The following MEMO1 variants were observed in gnomAD, a reference collection of about 807,000 sequenced individuals.
MEMO1 encodes protein MEMO1.
A neutral mutation model predicts 45.2 loss-of-function variants in MEMO1; 6 were observed. The observed-to-expected ratio is 0.13, with a 90% CI of 0.07 to 0.26. The LOEUF (loss-of-function observed/expected upper bound fraction) is 0.26, where lower values mean the gene tolerates loss of function less well. Ranked by LOEUF, MEMO1 falls within the 10% of genes least tolerant of loss-of-function variation. The probability of loss-of-function intolerance (pLI) is 1.00; values close to 1 mark genes in which losing one functional copy is unlikely to be tolerated. For synonymous variants in MEMO1, 78 were observed against 124.3 expected, an observed-to-expected ratio of 0.63 and a Z score of 2.48; for missense variants, 184 against 370.5, an observed-to-expected ratio of 0.50 and a Z score of 4.13.
intron 4 of MEMO1, among the ~76,000 whole-genome samples, chr2:31,922,246 C>A (rs151238154): frequency 6.0e-5 from 9 of 150,852 alleles, no homozygotes; most frequent in African/African-American, 1.5e-4. Context: ...TCATAAAATT[C>A]TATTACAGCT....
At chr2:31,927,952 A>G (rs925028173) in intron 4 of MEMO1, among the ~76,000 whole-genome samples, 2 of 152,284 alleles carry the variant, frequency 1.3e-5, no homozygotes, top group South Asian at 4.1e-4. Flanking sequence ...CATATGCTTA[A>G]TATCTATCTC....
intron 4 of MEMO1, among the ~76,000 whole-genome samples, chr2:31,925,475 C>CAAAAAAAAAAAAAAAAAAAAAAAAAAAAA (rs70964741): frequency 1.3e-5 from 1 of 79,236 alleles, no homozygotes; most frequent in African/African-American, 7.0e-5. Flanking sequence ...GACTCCGTCT[C>CAAAAAAAAAAAAAAAAAAAAAAAAAAAAA]AAAAAAAAAA....
At chr2:31,897,188 C>T (rs1042566872) in intron 6 of MEMO1, among the ~76,000 whole-genome samples, 1 of 151,932 alleles carries the variant, frequency 6.6e-6, no homozygotes, top group African/African-American at 2.4e-5. Flanking sequence ...TTGACTTCCT[C>T]TCTTCCTATT....
chr2:31,968,459 T>G (rs190117678), intron 2 of MEMO1, among the ~76,000 whole-genome samples: 1 of 152,322 alleles, frequency 6.6e-6, no homozygotes, highest in Admixed American at 6.5e-5. Context: ...CTGAACTATT[T>G]GCCACTACTA....
intron 6 of MEMO1, among the ~76,000 whole-genome samples, chr2:31,894,374 C>T (rs1294930677): frequency 1.3e-5 from 2 of 152,148 alleles, no homozygotes; most frequent in Non-Finnish European, 2.9e-5. Context: ...GAGTGGAAAA[C>T]CCACACTCAG....
intron 3 of MEMO1, among the ~76,000 whole-genome samples, chr2:31,936,493 T>C (rs1664939504): frequency 6.6e-6 from 1 of 152,212 alleles, no homozygotes; most frequent in African/African-American, 2.4e-5. Context: ...GTAGACCCTT[T>C]ACGTCGGCAA....
intron 2 of MEMO1, among the ~76,000 whole-genome samples, chr2:31,970,739 C>T (rs113391581): frequency 6.6e-6 from 1 of 152,072 alleles, no homozygotes; most frequent in African/African-American, 2.4e-5. Context: ...CACGGTGGCT[C>T]ACGCCTGTAA....
In MEMO1 at chr2:31,932,057, C is replaced by T. The variant is rs755117715; in HGVS notation, c.212+10G>A. 3.1e-6 allele frequency: 5 copies of T among 1,608,536 alleles called. No homozygotes were observed. The African/African-American group carries it at 4.0e-5, about 13-fold the overall frequency. On this transcript the variant is annotated intron_variant, in intron 4 of 9. Transcript: ENST00000404530. ...GCTTCTCCGACTTAAAACAAAACTA[C>T]ATTACTTACGTAATAGACGGATCCA...
chr2:31,932,704 C>T (rs929279999), intron 3 of MEMO1, among the ~76,000 whole-genome samples: 13 of 152,110 alleles, frequency 8.5e-5, no homozygotes, highest in African/African-American at 2.9e-4. Flanking sequence ...AAAAGCACTG[C>T]AATTACAGGC....
chr2:31,926,376 GAAA>G (rs35245442), intron 4 of MEMO1, among the ~76,000 whole-genome samples: 41 of 120,196 alleles, frequency 3.4e-4, no homozygotes, highest in African/African-American at 1.1e-3. Context: ...TCTCAAAAGG[GAAA>G]AAAAAAAAAA....
At chr2:31,897,179 T>C (rs924184222) in intron 6 of MEMO1, among the ~76,000 whole-genome samples, 6 of 152,252 alleles carry the variant, frequency 3.9e-5, no homozygotes, top group Non-Finnish European at 7.3e-5. Flanking sequence ...AGAGACAATT[T>C]GACTTCCTCT....
At chr2:31,949,260 G>A (rs778865898) in intron 2 of MEMO1, among the ~76,000 whole-genome samples, 3 of 152,138 alleles carry the variant, frequency 2.0e-5, no homozygotes, top group Non-Finnish European at 2.9e-5. Context: ...TTCCTGCTGG[G>A]TATTTACCCA....
chr2:31,877,578 G>A (rs1674738000), intron 8 of MEMO1, among the ~76,000 whole-genome samples: 1 of 152,286 alleles, frequency 6.6e-6, no homozygotes, highest in Admixed American at 6.5e-5. Context: ...TGTAAAGTGA[G>A]GGAAGACTGT....
intron 2 of MEMO1, among the ~76,000 whole-genome samples, chr2:31,977,763 C>T (rs141039587): frequency 6.6e-6 from 1 of 152,178 alleles, no homozygotes; most frequent in African/African-American, 2.4e-5. Flanking sequence ...AAACTCTTGA[C>T]CTCAAATGAT....
intron 2 of MEMO1, chr2:31,963,260 T>A: frequency 6.5e-7 from 1 of 1,538,326 alleles, no homozygotes. Context: ...TCCAAATAAA[T>A]CTCTTTCTAT....
intron 9 of MEMO1, among the ~76,000 whole-genome samples, chr2:31,868,930 G>A (rs950184952): frequency 6.6e-6 from 1 of 152,070 alleles, no homozygotes; most frequent in African/African-American, 2.4e-5. Context: ...TACTTTAATT[G>A]TCGATTGGTT....
At chr2:31,990,647 G>T (rs1671838744) in intron 2 of MEMO1, among the ~76,000 whole-genome samples, 1 of 148,658 alleles carries the variant, frequency 6.7e-6, no homozygotes, top group South Asian at 2.1e-4. Context: ...GAGCTCAAGT[G>T]ATCTGCCCAC....
At chr2:31,907,110 C>T (rs1679868800) in intron 6 of MEMO1, among the ~76,000 whole-genome samples, 2 of 152,234 alleles carry the variant, frequency 1.3e-5, no homozygotes, top group East Asian at 1.9e-4. Context: ...TCATTAAAAC[C>T]TTATGCCTAA....
In MEMO1 at chr2:31,963,004, C is replaced by CCTCCTGA. The variant is rs1468223439; in HGVS notation, c.62-19628_62-19622dup. On this transcript the variant is annotated intron_variant, in intron 2 of 9. Transcript: ENST00000404530. The stretch of plus-strand genomic sequence containing the variant: ...TCCCCCAAGTAAGACAGAACTAATT[C>CCTCCTGA]CTCCTGACTAAGCCTTCAAGCAACA... Among the ~76,000 whole-genome samples the CCTCCTGA allele has an allele frequency of 4.6e-5, 7 of 152,336 alleles. No homozygotes were observed. In the East Asian group the frequency reaches 1.2e-3, roughly 25 times the overall value.
Sources: gnomAD v4.1 joint callset for allele counts (sites outside exome capture counted in the v4.1 genomes callset) on GRCh38, gnomAD v4.1.1 for gene constraint, MANE v1.5 for transcripts, NCBI Gene and HGNC (gene_info 2026-07-23, HGNC 2026-07-21) for gene names.